Variants in SOX4 observed in about 807,000 individuals in gnomAD.
SOX4 encodes SRY-box transcription factor 4, also known as transcription factor SOX-4.
For missense variants in SOX4, 662 were observed against 694.9 expected, an observed-to-expected ratio of 0.95 and a Z score of 0.53; for synonymous variants, 465 against 348.4, an observed-to-expected ratio of 1.33 and a Z score of -3.73.
Position 21,594,777 on chromosome 6 carries a change from G to C in SOX4, c.243G>C (p.Ser81=). ...QIERRKIMEQ[S]PDMHNAEISK... ...AGCGGCGCAAGATCATGGAGCAGTC[G>C]CCCGACATGCACAACGCCGAGATCT... The change falls in exon 1 of 1, where the codon TCG becomes TCC. Residue 81 remains serine, a synonymous_variant. Transcript: ENST00000244745. 3 of 1,602,896 alleles carry C rather than the reference G, an allele frequency of 1.9e-6. No individual in the cohort carries two copies. The highest frequency in any genetic ancestry group is 2.6e-6 in the Non-Finnish European group (3 of 1,175,024).
In SOX4 at chr6:21,594,292, A is replaced by G; in HGVS notation, c.-243A>G. 2 of 403,638 alleles carry G rather than the reference A, an allele frequency of 5.0e-6. No homozygotes were observed. The highest frequency in any genetic ancestry group is 8.5e-6 in the Non-Finnish European group (2 of 235,600). The allele number at this position is 403,638 out of a possible 1,614,324, so 25.0% of individuals were successfully genotyped here. A position where few individuals can be genotyped will look rare whatever the true frequency, so the allele number is the denominator to read the frequency against. On this transcript the variant is annotated 5_prime_UTR_variant, in exon 1 of 1. Coordinates refer to ENST00000244745, the MANE Select transcript of SOX4 (RefSeq NM_003107.3). ...GAGAGCGAGAGAGAGGGAGAGAGAG[A>G]CTCTCCAGCCTGGGAACTATAACTC...
Position 21,596,989 on chromosome 6 carries a change from AAG to A in SOX4, c.*1032_*1033del, listed in dbSNP as rs1377542649. On this transcript the variant is annotated 3_prime_UTR_variant, in exon 1 of 1. Transcript: ENST00000244745. ...AAAAAAAAAGAAAAAAAGAAAAAAA[AAG>A]AAAAAAAAAAGATTTTTTTCTTCTC... 2.0e-3 allele frequency: 328 copies of A among 166,334 alleles called. 1 individual carries two copies. Among genetic ancestry groups the A allele is most frequent in the African/African-American group, 7.3e-3 (301 of 41,222 alleles). The allele number at this position is 166,334 out of a possible 1,614,324, so 10.3% of individuals were successfully genotyped here. A position where few individuals can be genotyped will look rare whatever the true frequency, so the allele number is the denominator to read the frequency against.
chr6:21,594,272 C>T lies in SOX4; in HGVS notation c.-263C>T. 2.7e-6 allele frequency: 1 copy of T among 369,996 alleles called. No individual in the cohort carries two copies. The highest frequency in any genetic ancestry group is 4.7e-6 in the Non-Finnish European group (1 of 211,544). 22.9% of individuals were successfully genotyped at this position (369,996 alleles called of 1,614,324 possible). A position where few individuals can be genotyped will look rare whatever the true frequency, so the allele number is the denominator to read the frequency against. The stretch of plus-strand genomic sequence containing the variant: ...AGCAAACTGCAGCGCGGTGAGAGAG[C>T]GAGAGAGAGGGAGAGAGAGACTCTC... On this transcript the variant is annotated 5_prime_UTR_variant, in exon 1 of 1. Transcript: ENST00000244745.
Position 21,596,312 on chromosome 6 carries a change from A to T in SOX4, c.*353A>T, listed in dbSNP as rs1353056147. 5.2e-6 allele frequency: 1 copy of T among 190,984 alleles called. No individual in the cohort carries two copies. The highest frequency in any genetic ancestry group is 1.2e-5 in the Non-Finnish European group (1 of 84,840). The allele number at this position is 190,984 out of a possible 1,614,324, so 11.8% of individuals were successfully genotyped here. On this transcript the variant is annotated 3_prime_UTR_variant, in exon 1 of 1. Transcript: ENST00000244745. Reference sequence around the variant, plus strand: ...TTCGAGTTTGCTCCCCTTTGCTTGAAGAGACCCCCTCCCCCTTCCAACGAG... The same window carrying T: ...TTCGAGTTTGCTCCCCTTTGCTTGATGAGACCCCCTCCCCCTTCCAACGAG...
At position 21,598,227 on chromosome 6, in the gene SOX4, A is replaced by G. The variant is rs1001222943; in HGVS notation, c.*2268A>G. 3 of 167,046 alleles carry G rather than the reference A, an allele frequency of 1.8e-5. No homozygotes were observed. The highest frequency in any genetic ancestry group is 4.4e-5 in the Non-Finnish European group (3 of 68,122). The allele number at this position is 167,046 out of a possible 1,614,324, so 10.3% of individuals were successfully genotyped here. A position where few individuals can be genotyped will look rare whatever the true frequency, so the allele number is the denominator to read the frequency against. On this transcript the variant is annotated 3_prime_UTR_variant, in exon 1 of 1. Transcript: ENST00000244745. ...TTTAGTCTTATGGCATGATGATAGC[A>G]TATGTGTTCAGGTTTATAGCTGTTG...
rs367934308 is a variant in SOX4, at chr6:21,594,726, C to T, written c.192C>T (p.Asn64=). 4.6e-5 allele frequency: 74 copies of T among 1,595,318 alleles called. No individual in the cohort carries two copies. The highest frequency in any genetic ancestry group is 6.1e-5 in the Non-Finnish European group (71 of 1,171,128). The change falls in exon 1 of 1, where the codon AAC becomes AAT. Residue 64 remains asparagine, a synonymous_variant. Coordinates refer to ENST00000244745, the MANE Select transcript of SOX4 (RefSeq NM_003107.3). ...GTGGGCACATCAAGCGACCCATGAA[C>T]GCCTTCATGGTGTGGTCGCAGATCG... ...TPSGHIKRPM[N]AFMVWSQIER... is the part of the protein sequence containing the mutation.
rs888118713 is a variant in SOX4, at chr6:21,596,621, C to T, written c.*662C>T. The T allele has an allele frequency of 5.4e-5, 9 of 167,018 alleles. No homozygotes were observed. Among genetic ancestry groups the T allele is most frequent in the African/African-American group, 1.9e-4 (8 of 41,382 alleles). The allele number at this position is 167,018 out of a possible 1,614,324, so 10.3% of individuals were successfully genotyped here. On this transcript the variant is annotated 3_prime_UTR_variant, in exon 1 of 1. Transcript: ENST00000244745. ...TTCCCGTTTGGGGCTTTTTTTTCCT[C>T]CCTCTTTTCCCCTTGCCCCCTCTGC...
In SOX4 at chr6:21,594,264, TGAGAGAGC is replaced by T. The variant is rs1763085607; in HGVS notation, c.-263_-256del. The T allele has an allele frequency of 1.1e-5, 4 of 352,228 alleles. No homozygotes were observed. The highest frequency in any genetic ancestry group is 9.0e-5 in the East Asian group (2 of 22,278). The allele number at this position is 352,228 out of a possible 1,614,324, so 21.8% of individuals were successfully genotyped here. On this transcript the variant is annotated 5_prime_UTR_variant, in exon 1 of 1. Transcript: ENST00000244745. ...CGAGAGACAGCAAACTGCAGCGCGGTGAGAGAGCGAGAGAGAGGGAGAGAGAGACTCTC... is the reference window on the plus strand; with the variant it reads ...CGAGAGACAGCAAACTGCAGCGCGGTGAGAGAGAGGGAGAGAGAGACTCTC...
Position 21,594,876 on chromosome 6 carries a change from G to A in SOX4, c.342G>A (p.Arg114=). 2.5e-6 allele frequency: 4 copies of A among 1,612,714 alleles called. No homozygotes were observed. Among genetic ancestry groups the A allele is most frequent in the Non-Finnish European group, 3.4e-6 (4 of 1,179,606 alleles). The change falls in exon 1 of 1, where the codon CGG becomes CGA. Residue 114 remains arginine, a synonymous_variant. Coordinates refer to ENST00000244745, the MANE Select transcript of SOX4 (RefSeq NM_003107.3). Reference sequence around the variant, plus strand: ...TCCCTTTCATTCGAGAGGCGGAGCGGCTGCGCCTCAAGCACATGGCTGACT... The same window carrying A: ...TCCCTTTCATTCGAGAGGCGGAGCGACTGCGCCTCAAGCACATGGCTGACT... ...DKIPFIREAE[R]LRLKHMADYP...
rs1246816344 is a variant in SOX4, at chr6:21,595,083, T to C, written c.549T>C (p.Gly183=). The C allele has an allele frequency of 7.1e-7, 1 of 1,404,536 alleles. No individual in the cohort carries two copies. 87.0% of individuals were successfully genotyped at this position (1,404,536 alleles called of 1,614,324 possible). ...GSSNAGGGGG[G]ASGGGANSKP... ...GCAACGCGGGGGGAGGAGGCGGCGG[T>C]GCGAGTGGCGGCGGCGCCAACTCCA... is the stretch of plus-strand genomic sequence containing the variant. Residue 183 remains glycine, a synonymous_variant, in exon 1 of 1, where the codon GGT becomes GGC. Transcript: ENST00000244745.
chr6:21,595,353 G>C lies in SOX4; in HGVS notation c.819G>C (p.Ser273=), dbSNP rs1244048505. 7 of 1,517,934 alleles carry C rather than the reference G, an allele frequency of 4.6e-6. No individual in the cohort carries two copies. The highest frequency in any genetic ancestry group is 5.3e-6 in the Non-Finnish European group (6 of 1,141,408). 94.0% of individuals were successfully genotyped at this position (1,517,934 alleles called of 1,614,324 possible). The change falls in exon 1 of 1, where the codon TCG becomes TCC. Residue 273 remains serine (S), a synonymous_variant. Transcript: ENST00000244745. The stretch of plus-strand genomic sequence containing the variant: ...CCAGCGCCTCGGCCTCCGCCTCCTC[G>C]GCAGCCTCGGCCTCCGCAGCGCTCG... The part of the protein sequence containing the change: ...RTPSASASAS[S]AASASAALAA...
At position 21,596,227 on chromosome 6, in the gene SOX4, G is replaced by A; in HGVS notation, c.*268G>A. The A allele has an allele frequency of 2.7e-6, 1 of 364,186 alleles. No homozygotes were observed. The highest frequency in any genetic ancestry group is 5.0e-6 in the Non-Finnish European group (1 of 198,166). The allele number at this position is 364,186 out of a possible 1,614,324, so 22.6% of individuals were successfully genotyped here. A position where few individuals can be genotyped will look rare whatever the true frequency, so the allele number is the denominator to read the frequency against. ...ACGCGGAGGAGGAAGAGGGTAGACA[G>A]GGGCGACCTGTGATTGTTGTTATTG... is the stretch of plus-strand genomic sequence containing the variant. On this transcript the variant is annotated 3_prime_UTR_variant, in exon 1 of 1. Transcript: ENST00000244745.
chr6:21,596,121 A>C lies in SOX4; in HGVS notation c.*162A>C. On this transcript the variant is annotated 3_prime_UTR_variant, in exon 1 of 1. Transcript: ENST00000244745. ...TCGCCCGCGTTCTCGTCGTCGGATC[A>C]AGGAGCGCGGCGGCGTTTTGGACCC... 3 of 1,230,600 alleles carry C rather than the reference A, an allele frequency of 2.4e-6. No individual in the cohort carries two copies. The highest frequency in any genetic ancestry group is 3.1e-6 in the Non-Finnish European group (3 of 953,754). The allele number at this position is 1,230,600 out of a possible 1,614,324, so 76.2% of individuals were successfully genotyped here. A position where few individuals can be genotyped will look rare whatever the true frequency, so the allele number is the denominator to read the frequency against.
chr6:21,595,970 G>A lies in SOX4; in HGVS notation c.*11G>A. The A allele has an allele frequency of 6.6e-7, 1 of 1,512,146 alleles. No homozygotes were observed. The highest frequency in any genetic ancestry group is 8.9e-7 in the Non-Finnish European group (1 of 1,126,030). The allele number at this position is 1,512,146 out of a possible 1,614,324, so 93.7% of individuals were successfully genotyped here. On this transcript the variant is annotated 3_prime_UTR_variant, in exon 1 of 1. Transcript: ENST00000244745. ...GTTTTCACCTACTGAAGGGCGCGCA[G>A]GCAGGGAGAAGGGCCGGGGGGGGTA...
chr6:21,594,905 C>T lies in SOX4; in HGVS notation c.371C>T (p.Pro124Leu). The T allele has an allele frequency of 6.2e-7, 1 of 1,613,124 alleles. No homozygotes were observed. The highest frequency in any genetic ancestry group is 8.5e-7 in the Non-Finnish European group (1 of 1,179,748). The change falls in exon 1 of 1, where the codon CCC becomes CTC. Residue 124 changes from proline (P) to leucine (L), a missense_variant. Coordinates refer to ENST00000244745, the MANE Select transcript of SOX4 (RefSeq NM_003107.3). ...CGCCTCAAGCACATGGCTGACTACC[C>T]CGACTACAAGTACCGGCCCAGGAAG... ...RLRLKHMADYPDYKYRPRKKV... is the reference protein window; with the variant it reads ...RLRLKHMADYLDYKYRPRKKV...
In SOX4 at chr6:21,595,274, T is replaced by C. The variant is rs1763113714; in HGVS notation, c.740T>C (p.Leu247Pro). The change falls in exon 1 of 1, where the codon CTG (leucine) becomes CCG (proline). Residue 247 changes from leucine (L) to proline (P), a missense_variant. Coordinates refer to ENST00000244745, the MANE Select transcript of SOX4 (RefSeq NM_003107.3). ...FAAEQAGAAA[L>P]LPLGAAADHH... Reference sequence around the variant, plus strand: ...GCCGAACAGGCGGGGGCCGCCGCCCTGCTGCCCCTGGGCGCCGCCGCCGAC... The same window carrying C: ...GCCGAACAGGCGGGGGCCGCCGCCCCGCTGCCCCTGGGCGCCGCCGCCGAC... 1 of 1,377,094 alleles carries C rather than the reference T, an allele frequency of 7.3e-7. No individual in the cohort carries two copies. The highest frequency in any genetic ancestry group is 3.2e-5 in the East Asian group (1 of 31,644). 85.3% of individuals were successfully genotyped at this position (1,377,094 alleles called of 1,614,324 possible). A position where few individuals can be genotyped will look rare whatever the true frequency, so the allele number is the denominator to read the frequency against.
chr6:21,595,509 C>A lies in SOX4; in HGVS notation c.975C>A (p.Tyr325Ter). 2 of 1,293,386 alleles carry A rather than the reference C, an allele frequency of 1.5e-6. No homozygotes were observed. The highest frequency in any genetic ancestry group is 2.3e-5 in the South Asian group (1 of 43,694). 80.1% of individuals were successfully genotyped at this position (1,293,386 alleles called of 1,614,324 possible). The change falls in exon 1 of 1, where the codon TAC becomes TAA. Residue 325 changes from tyrosine (Y) to a stop codon, truncating the protein, a stop_gained. Transcript: ENST00000244745. LOFTEE classifies it high-confidence loss of function. ...ACCCCAGCGACCCCCTGGGCCTGTA[C>A]GAGGAGGAGGGCGCGGGCTGCTCGC... is the stretch of plus-strand genomic sequence containing the variant. ...GADPSDPLGL[Y>*]EEEGAGCSPD...
Position 21,595,090 on chromosome 6 carries a change from G to A in SOX4, c.556G>A (p.Gly186Ser). 1 of 1,406,540 alleles carries A rather than the reference G, an allele frequency of 7.1e-7. No individual in the cohort carries two copies. The highest frequency in any genetic ancestry group is 9.2e-7 in the Non-Finnish European group (1 of 1,089,082). 87.1% of individuals were successfully genotyped at this position (1,406,540 alleles called of 1,614,324 possible). ...NAGGGGGGAS[G>S]GGANSKPAQK... ...GGGGGGAGGAGGCGGCGGTGCGAGT[G>A]GCGGCGGCGCCAACTCCAAACCGGC... The change falls in exon 1 of 1, where the codon GGC (glycine) becomes AGC (serine). Residue 186 changes from glycine (G) to serine (S), a missense_variant. Physicochemically the swap from Gly to Ser is moderately conservative, Grantham distance 56. Transcript: ENST00000244745.
At position 21,594,698 on chromosome 6, in the gene SOX4, C is replaced by A. The variant is rs866269648; in HGVS notation, c.164C>A (p.Pro55Gln). 6.3e-7 allele frequency: 1 copy of A among 1,596,908 alleles called. No individual in the cohort carries two copies. Reference protein sequence around the residue: ...KADDPSWCKTPSGHIKRPMNA... With the variant: ...KADDPSWCKTQSGHIKRPMNA... ...GACGACCCGAGCTGGTGCAAGACCCCGAGTGGGCACATCAAGCGACCCATG... is the reference window on the plus strand; with the variant it reads ...GACGACCCGAGCTGGTGCAAGACCCAGAGTGGGCACATCAAGCGACCCATG... The change falls in exon 1 of 1, where the codon CCG becomes CAG. Residue 55 changes from proline (P) to glutamine (Q), a missense_variant. Coordinates refer to ENST00000244745, the MANE Select transcript of SOX4 (RefSeq NM_003107.3).
Sources: gnomAD v4.1 joint callset for allele counts on GRCh38, gnomAD v4.1.1 for gene constraint, MANE v1.5 for transcripts, NCBI Gene and HGNC (gene_info 2026-07-23, HGNC 2026-07-21) for gene names.